The following SLC9A6 variants were observed in gnomAD, a reference collection of about 807,000 sequenced individuals.
The protein encoded by SLC9A6 is solute carrier family 9 member A6.
In SLC9A6, 6 loss-of-function variants were observed where a neutral mutation model predicts 45.3. That is an observed-to-expected ratio of 0.13 (90% CI 0.07 to 0.26). SLC9A6 has a LOEUF of 0.26. Among genes scored for constraint, SLC9A6 ranks in the 10% least tolerant of loss-of-function variants. The probability of loss-of-function intolerance (pLI) is 1.00; values close to 1 mark genes in which losing one functional copy is unlikely to be tolerated. For synonymous variants in SLC9A6, 191 were observed against 187.7 expected, an observed-to-expected ratio of 1.02 and a Z score of -0.14; for missense variants, 278 against 503.7, an observed-to-expected ratio of 0.55 and a Z score of 4.29.
chrX:135,985,510 G>C, intron 1 of SLC9A6, 33 bp downstream of exon 1: 1 of 1,103,298 alleles, frequency 9.1e-7, no homozygotes. Flanking sequence ...GACATGGCTC[G>C]GCGCGGCTGG....
At chrX:136,022,070 T>G (rs990132140) in intron 11 of SLC9A6, among the ~76,000 whole-genome samples, 5 of 111,852 alleles carry the variant, frequency 4.5e-5, no homozygotes, top group Admixed American at 1.9e-4. Flanking sequence ...GGTAGCCATT[T>G]TAGTGCTGTG....
rs143371320 is a variant in SLC9A6 at position 136,011,398 on chromosome X, C to T, written c.885+815C>T. Among the ~76,000 whole-genome samples the T allele has an allele frequency of 5.0e-3, 557 of 110,758 alleles. 2 individuals are homozygous for T. The highest frequency in any genetic ancestry group is 7.8e-3 in the Non-Finnish European group (413 of 52,922). The stretch of plus-strand genomic sequence containing the variant: ...GGGATTACAGGTGCGCAACACCACA[C>T]CCAGCAAGTTTTTTTATATTTTTAG... On this transcript the variant is annotated intron_variant, in intron 8 of 17. Coordinates refer to ENST00000630721, the MANE Select transcript of SLC9A6 (RefSeq NM_001379110.1).
intron 12 of SLC9A6, among the ~76,000 whole-genome samples, 187 bp from the exon 13 acceptor site, chrX:136,024,143 T>C (rs2071188247): frequency 8.9e-6 from 1 of 112,113 alleles, no homozygotes; most frequent in Non-Finnish European, 1.9e-5. Context: ...CACCTCGGCC[T>C]CCCAAAGTGC....
chrX:136,011,791 T>C (rs1428363028), intron 8 of SLC9A6, among the ~76,000 whole-genome samples: 1 of 111,611 alleles, frequency 9.0e-6, no homozygotes, highest in African/African-American at 3.3e-5. Context: ...AGATGATGTC[T>C]AAAGAGTTTC....
chrX:136,031,409 C>G (rs1361617415), intron 15 of SLC9A6, among the ~76,000 whole-genome samples: 3 of 112,285 alleles, frequency 2.7e-5, no homozygotes, highest in East Asian at 5.6e-4. Flanking sequence ...CTTCAAAACC[C>G]TATGGCTGGG....
intron 7 of SLC9A6, among the ~76,000 whole-genome samples, chrX:136,007,735 CTA>C (rs2089680128): frequency 9.0e-6 from 1 of 111,452 alleles, no homozygotes; most frequent in African/African-American, 3.3e-5. Flanking sequence ...ATTAATACCT[CTA>C]TTATCACATT....
intron 6 of SLC9A6, among the ~76,000 whole-genome samples, chrX:136,001,336 CAAAAAAAA>C (rs569372174): frequency 4.2e-5 from 1 of 23,612 alleles, no homozygotes; most frequent in Non-Finnish European, 8.2e-5. Context: ...GACTCCATCT[CAAAAAAAA>C]AAAAAAAAAA....
intron 16 of SLC9A6, among the ~76,000 whole-genome samples, chrX:136,036,332 G>C (rs2071412875): frequency 9.0e-6 from 1 of 111,187 alleles, no homozygotes; most frequent in African/African-American, 3.3e-5. Flanking sequence ...TGAAGTCTAA[G>C]TCTTTCGTCC....
intron 10 of SLC9A6, among the ~76,000 whole-genome samples, chrX:136,016,205 T>C (rs2071016524): frequency 9.0e-6 from 1 of 111,354 alleles, no homozygotes; most frequent in African/African-American, 3.3e-5. Flanking sequence ...TTGAAATGAA[T>C]CTTATAGCTT....
upstream of SLC9A6, among the ~76,000 whole-genome samples, chrX:135,984,624 ACT>A (rs782357009): frequency 8.9e-6 from 1 of 111,869 alleles, no homozygotes; most frequent in African/African-American, 3.3e-5. Context: ...GAAAAAAAAT[ACT>A]GTCCTGAGGA....
chrX:136,011,263 G>A (rs1556618608), intron 8 of SLC9A6, among the ~76,000 whole-genome samples: 2 of 111,824 alleles, frequency 1.8e-5, no homozygotes, highest in Admixed American at 9.4e-5. Context: ...TTTTTGAGAC[G>A]GAGTCTCACT....
chrX:135,985,993 C>T (rs895088720), intron 2 of SLC9A6, among the ~76,000 whole-genome samples, 166 bp downstream of exon 2: 2 of 109,712 alleles, frequency 1.8e-5, no homozygotes, highest in East Asian at 5.8e-4. Context: ...TGCCTCACCC[C>T]CTTTCCTCTT....
At chrX:136,038,781 GT>G (rs1289486723) in intron 16 of SLC9A6, among the ~76,000 whole-genome samples, 19 of 102,273 alleles carry the variant, frequency 1.9e-4, no homozygotes, top group African/African-American at 5.4e-4. Context: ...CATCTGGCGA[GT>G]TTTTTTTTCT....
chrX:135,977,360 T>C (rs190539007), intron 1 of SLC9A6, among the ~76,000 whole-genome samples: 2 of 112,180 alleles, frequency 1.8e-5, no homozygotes, highest in Admixed American at 1.9e-4. Flanking sequence ...GTTCACTGAA[T>C]AGAGAAAGCA....
rs868937216 is a variant in SLC9A6, at chrX:136,046,813, A to G, written c.*2089A>G. 1 of 112,760 alleles carries G rather than the reference A, an allele frequency of 8.9e-6. No individual in the cohort carries two copies. Among genetic ancestry groups the G allele is most frequent in the East Asian group, 2.8e-4 (1 of 3,587 alleles). 9.3% of individuals were successfully genotyped at this position (112,760 alleles called of 1,213,427 possible). On this transcript the variant is annotated 3_prime_UTR_variant, in exon 18 of 18. Transcript: ENST00000630721. ...AAAAACAAACTCTGCTCAGACGCCT[A>G]TGAAACACCTGAATGAACTTTGATG...
Position 136,045,655 on chromosome X carries a change from G to A in SLC9A6, c.*931G>A, listed in dbSNP as rs995140754. On this transcript the variant is annotated 3_prime_UTR_variant, in exon 18 of 18. Transcript: ENST00000630721. ...CTTTATCTGTATAGCAGGCTTTGTC[G>A]TCAGAAGTTTTTATATCGATTTAAA... The A allele has an allele frequency of 3.6e-5, 4 of 112,665 alleles. No individual in the cohort carries two copies. Among genetic ancestry groups the A allele is most frequent in the East Asian group, 2.8e-4 (1 of 3,594 alleles). The allele number at this position is 112,665 out of a possible 1,213,427, so 9.3% of individuals were successfully genotyped here.
At chrX:135,995,145 G>A (rs1380389628) in intron 3 of SLC9A6, among the ~76,000 whole-genome samples, 160 bp downstream of exon 3, 8 of 111,432 alleles carry the variant, frequency 7.2e-5, no homozygotes, top group Non-Finnish European at 1.5e-4. Context: ...GTAAGGAAAT[G>A]GATATGTCTG....
intron 15 of SLC9A6, chrX:136,033,153 C>T (rs1330786439): frequency 2.1e-5 from 5 of 239,431 alleles, no homozygotes; most frequent in Non-Finnish European, 3.8e-5. Flanking sequence ...TGAGCCACCA[C>T]ACCCGGCCCC....
upstream of SLC9A6, chrX:135,983,470 G>C (rs368728767): frequency 9.1e-6 from 1 of 109,430 alleles, no homozygotes; most frequent in Admixed American, 9.8e-5. Context: ...GGCGTCAGAA[G>C]TATAGAGCAG....
Sources: allele counts gnomAD v4.1 joint callset (sites outside exome capture counted in the v4.1 genomes callset), GRCh38; gene constraint gnomAD v4.1.1; transcripts MANE v1.5; gene names NCBI Gene and HGNC (gene_info 2026-07-23, HGNC 2026-07-21).